The following AQP7B variants were observed in gnomAD, a reference collection of about 807,000 sequenced individuals.
The protein encoded by AQP7B is putative aquaporin-7B.
the AQP7B span, among the ~76,000 whole-genome samples, chr2:94,592,409 A>G: frequency 2.0e-5 from 3 of 152,152 alleles, no homozygotes; most frequent in East Asian, 5.8e-4. Flanking sequence ...CCCCAGAGAA[A>G]CAAAACCAGG....
At chr2:94,594,064 A>G in the AQP7B span, among the ~76,000 whole-genome samples, 1 of 152,214 alleles carries the variant, frequency 6.6e-6, no homozygotes, top group Non-Finnish European at 1.5e-5. Flanking sequence ...CACTGAAGAT[A>G]CACCAGGAAG....
the AQP7B span, among the ~76,000 whole-genome samples, chr2:94,593,200 T>G: frequency 1.3e-5 from 2 of 151,710 alleles, no homozygotes; most frequent in African/African-American, 2.4e-5. Context: ...GTGGAAGAAG[T>G]GAATGGCCTA....
chr2:94,602,112 C>T, the AQP7B span, among the ~76,000 whole-genome samples: 3 of 151,316 alleles, frequency 2.0e-5, no homozygotes, highest in African/African-American at 7.3e-5. Flanking sequence ...CTTGAAGAAA[C>T]TTCCTTCAGG....
At chr2:94,594,352 G>A in the AQP7B span, among the ~76,000 whole-genome samples, 1 of 152,232 alleles carries the variant, frequency 6.6e-6, no homozygotes, top group Non-Finnish European at 1.5e-5. Flanking sequence ...CAGATAGGCA[G>A]ACAGACAGAT....
the AQP7B span, chr2:94,594,881 G>C: frequency 2.0e-6 from 3 of 1,499,836 alleles, no homozygotes; most frequent in Non-Finnish European, 2.8e-6. Flanking sequence ...ATGGTGAGTG[G>C]GTGGGCAGCA....
At chr2:94,595,560 C>A in the AQP7B span, among the ~76,000 whole-genome samples, 69 of 152,050 alleles carry the variant, frequency 4.5e-4, no homozygotes, top group South Asian at 0.012. Context: ...GTGACATGAT[C>A]AGATTTGGAT....
the AQP7B span, chr2:94,588,411 T>A: frequency 8.2e-6 from 5 of 612,770 alleles, no homozygotes; most frequent in Non-Finnish European, 1.5e-5. Flanking sequence ...GCCCCAGGGC[T>A]TCTCCCCTGG....
At chr2:94,594,509 T>C in the AQP7B span, among the ~76,000 whole-genome samples, 5 of 152,356 alleles carry the variant, frequency 3.3e-5, no homozygotes, top group African/African-American at 1.2e-4. Context: ...CCATTTTTAC[T>C]GGTCTAGTCC....
At chr2:94,596,130 G>T in the AQP7B span, among the ~76,000 whole-genome samples, 1 of 152,258 alleles carries the variant, frequency 6.6e-6, no homozygotes, top group Admixed American at 6.5e-5. Context: ...ATGGGCAGCG[G>T]CAGATGGGCC....
At chr2:94,596,608 A>T in the AQP7B span, among the ~76,000 whole-genome samples, 8 of 152,216 alleles carry the variant, frequency 5.3e-5, no homozygotes, top group Non-Finnish European at 1.0e-4. Context: ...GTGTAGAATT[A>T]GACCTTCGTG....
the AQP7B span, chr2:94,603,249 G>C: frequency 7.2e-7 from 1 of 1,381,828 alleles, no homozygotes; most frequent in Non-Finnish European, 1.0e-6. Flanking sequence ...GGACCTCAGT[G>C]TCCTGATTTG....
chr2:94,594,676 G>A, the AQP7B span: 1 of 1,080,464 alleles, frequency 9.3e-7, no homozygotes, highest in Non-Finnish European at 1.4e-6. Flanking sequence ...GCTGTGAGTT[G>A]AAGAGCCGAT....
At chr2:94,590,910 A>G in the AQP7B span, among the ~76,000 whole-genome samples, 1 of 143,818 alleles carries the variant, frequency 7.0e-6, no homozygotes. Flanking sequence ...GTGCCACTGC[A>G]CTTCAGCCTG....
At chr2:94,597,103 C>T in the AQP7B span, among the ~76,000 whole-genome samples, 37 of 152,240 alleles carry the variant, frequency 2.4e-4, no homozygotes, top group African/African-American at 5.3e-4. Context: ...GTTATTAGGA[C>T]GGGTGCTCTA....
At chr2:94,603,683 G>C in the AQP7B span, 16 of 1,376,658 alleles carry the variant, frequency 1.2e-5, no homozygotes, top group Non-Finnish European at 1.6e-5. Flanking sequence ...GAGGGGCCCA[G>C]GTGAGCTGCC....
At chr2:94,597,248 C>T in the AQP7B span, among the ~76,000 whole-genome samples, 1 of 152,188 alleles carries the variant, frequency 6.6e-6, no homozygotes, top group Non-Finnish European at 1.5e-5. Context: ...TCACTTACCA[C>T]AAGACATTCC....
the AQP7B span, chr2:94,604,364 G>A: frequency 3.8e-3 from 6,190 of 1,611,388 alleles, 221 homozygotes; most frequent in African/African-American, 0.075. Context: ...CATCTACCTG[G>A]TCTTCATTGG....
the AQP7B span, among the ~76,000 whole-genome samples, chr2:94,596,936 G>A: frequency 6.6e-6 from 1 of 152,162 alleles, no homozygotes; most frequent in African/African-American, 2.4e-5. Context: ...CCGAATTCAG[G>A]TGACCTTCCT....
the AQP7B span, among the ~76,000 whole-genome samples, chr2:94,598,590 G>A: frequency 6.6e-6 from 1 of 152,194 alleles, no homozygotes; most frequent in African/African-American, 2.4e-5. Flanking sequence ...CTGTATAGCT[G>A]CCGCCACTCC....
Sources: gnomAD v4.1 joint callset for allele counts (sites outside exome capture counted in the v4.1 genomes callset) on GRCh38, gnomAD v4.1.1 for gene constraint, MANE v1.5 for transcripts, NCBI Gene and HGNC (gene_info 2026-07-23, HGNC 2026-07-21) for gene names.